CFAP57: variants seen among roughly 807,000 people sequenced by gnomAD.
CFAP57 encodes cilia- and flagella-associated protein 57.
CFAP57 carries 116 observed loss-of-function variants against 146.8 expected under a neutral mutation model. The observed-to-expected ratio is 0.79, with a 90% CI of 0.68 to 0.92. The LOEUF (loss-of-function observed/expected upper bound fraction) is 0.92, where lower values mean the gene tolerates loss of function less well. Among genes scored for constraint, CFAP57 ranks in the 40% least tolerant of loss-of-function variants. The pLI, the probability that CFAP57 is intolerant of heterozygous loss-of-function variation, is 0.00. For synonymous variants in CFAP57, 518 were observed against 552.8 expected (o/e 0.94, Z 0.88); for missense variants, 1,377 against 1,527.2 (o/e 0.90, Z 1.64).
rs549750825 is a variant in CFAP57 at position 43,234,352 on chromosome 1, C to T, written c.3200C>T (p.Pro1067Leu). The T allele has an allele frequency of 1.0e-4, 155 of 1,550,390 alleles. No homozygotes were observed. In the Middle Eastern group the frequency reaches 5.3e-3, roughly 53 times the overall value. Reference protein sequence around the residue: ...LHNCVAYIQEPRLLKEKVRGL... With the variant: ...LHNCVAYIQELRLLKEKVRGL... ...AACTGCGTAGCCTATATTCAGGAAC[C>T]GCGGCTGCTGAAGGAGAAGGTTCGA... Residue 1067 changes from proline (P) to leucine (L), a missense_variant, in exon 20 of 23, where the codon CCG becomes CTG. Transcript: ENST00000372492.
chr1:43,231,820 T>G (rs769685187), intron 18 of CFAP57, among the ~76,000 whole-genome samples: 28 of 151,988 alleles, frequency 1.8e-4, no homozygotes, highest in Non-Finnish European at 3.5e-4. Context: ...TGAGCCAAGA[T>G]AGAGATCGCA....
At chr1:43,214,265 A>T (rs1375095517) in intron 11 of CFAP57, among the ~76,000 whole-genome samples, 1 of 152,044 alleles carries the variant, frequency 6.6e-6, no homozygotes, top group Admixed American at 6.6e-5. Context: ...GGTATTCTGG[A>T]TATTGGTCTT....
At chr1:43,180,798 G>A (rs1486061514) in intron 2 of CFAP57, among the ~76,000 whole-genome samples, 1 of 152,110 alleles carries the variant, frequency 6.6e-6, no homozygotes, top group Non-Finnish European at 1.5e-5. Context: ...TAGAGGAGGA[G>A]TGATGAGCTA....
At chr1:43,174,738 C>T (rs1025975746) in intron 2 of CFAP57, among the ~76,000 whole-genome samples, 5 of 152,202 alleles carry the variant, frequency 3.3e-5, no homozygotes, top group South Asian at 2.1e-4. Flanking sequence ...ATTGCTTGAA[C>T]CCGGGAGGCA....
chr1:43,201,028 A>G lies in CFAP57; in HGVS notation c.1542+1525A>G, dbSNP rs917378886. On this transcript the variant is annotated intron_variant, in intron 9 of 22. Coordinates refer to ENST00000372492, the MANE Select transcript of CFAP57 (RefSeq NM_001378189.1). The surrounding 1 kb of genome is among the most constrained non-coding windows in gnomAD (Gnocchi z 4.4). The stretch of plus-strand genomic sequence containing the variant: ...TTTAGTAGCGGAGGCAGAGAGAAGA[A>G]AGAGATGAAGTTCCATTTTGGCCAT... 6.6e-6 allele frequency among the ~76,000 whole-genome samples: 1 copy of G among 152,220 alleles called. No homozygotes were observed. Among genetic ancestry groups the G allele is most frequent in the Non-Finnish European group, 1.5e-5 (1 of 68,034 alleles).
Position 43,222,896 on chromosome 1 carries a change from C to G in CFAP57, c.2605C>G (p.Arg869Gly), listed in dbSNP as rs558523595. 20 of 1,550,288 alleles carry G rather than the reference C, an allele frequency of 1.3e-5. No individual in the cohort carries two copies. The South Asian group carries it at 2.0e-4, about 16-fold the overall frequency. The stretch of plus-strand genomic sequence containing the variant: ...GAAGCAGATTGAGGAAGATGAAGAC[C>G]GAGAAATCCAAGATATCAAAACCAA... ...TKKQIEEDED[R>G]EIQDIKTKYE... Residue 869 changes from arginine to glycine, a missense_variant, in exon 16 of 23, where the codon CGA (arginine) becomes GGA (glycine). Arg to Gly is a moderately radical substitution (Grantham distance 125, BLOSUM62 -2). Coordinates refer to ENST00000372492, the MANE Select transcript of CFAP57 (RefSeq NM_001378189.1).
chr1:43,252,616 T>C lies in CFAP57; in HGVS notation c.3539-1361T>C, dbSNP rs12409185. Among the ~76,000 whole-genome samples the C allele has an allele frequency of 8.6e-3, 1,302 of 150,670 alleles. 59 individuals are homozygous for C. The highest frequency in any genetic ancestry group is 0.078 in the Admixed American group (1,184 of 15,170). Reference sequence around the variant, plus strand: ...AAAAATAAACCACCAGAAGTGAAAATCAACAACAACAAAAAAATCAAACTA... The same window carrying C: ...AAAAATAAACCACCAGAAGTGAAAACCAACAACAACAAAAAAATCAAACTA... On this transcript the variant is annotated intron_variant, in intron 22 of 22. Coordinates refer to ENST00000372492, the MANE Select transcript of CFAP57 (RefSeq NM_001378189.1).
At chr1:43,178,525 C>T (rs1293482543) in intron 2 of CFAP57, among the ~76,000 whole-genome samples, 1 of 152,176 alleles carries the variant, frequency 6.6e-6, no homozygotes, top group Non-Finnish European at 1.5e-5. Context: ...CCAACCGACA[C>T]ATGAAAAAAT....
At chr1:43,237,404 A>C (rs1645745894) in intron 21 of CFAP57, among the ~76,000 whole-genome samples, 1 of 152,222 alleles carries the variant, frequency 6.6e-6, no homozygotes, top group African/African-American at 2.4e-5. Flanking sequence ...TTGTACAGCA[A>C]GCTCTGTGTC....
At chr1:43,192,927 T>C (rs1643633389) in intron 6 of CFAP57, among the ~76,000 whole-genome samples, 1 of 142,176 alleles carries the variant, frequency 7.0e-6, no homozygotes, top group African/African-American at 2.8e-5. Flanking sequence ...AAACTCCATC[T>C]CAAAAAAAAA....
chr1:43,186,602 C>G, intron 5 of CFAP57, 105 bp from the exon 6 acceptor site: 1 of 1,238,280 alleles, frequency 8.1e-7, no homozygotes, highest in Non-Finnish European at 1.1e-6. Context: ...AAGAGCGAGA[C>G]TCCGTCTCAA....
intron 13 of CFAP57, among the ~76,000 whole-genome samples, chr1:43,220,272 TAAG>T (rs1031814771): frequency 5.9e-5 from 9 of 152,264 alleles, no homozygotes; most frequent in African/African-American, 2.2e-4. Flanking sequence ...AGCAAAAAGA[TAAG>T]AAAATCAAAG....
chr1:43,224,374 G>A (rs1211116896), intron 17 of CFAP57, among the ~76,000 whole-genome samples, 170 bp downstream of exon 17: 4 of 152,180 alleles, frequency 2.6e-5, no homozygotes, highest in Non-Finnish European at 5.9e-5. Flanking sequence ...TGGGCTAATC[G>A]CTGTCAACAC....
At chr1:43,221,015 C>T (rs1230108566) in intron 13 of CFAP57, among the ~76,000 whole-genome samples, 1 of 152,126 alleles carries the variant, frequency 6.6e-6, no homozygotes, top group African/African-American at 2.4e-5. Flanking sequence ...AGAAGCTTAC[C>T]CATGAGCACA....
intron 10 of CFAP57, 36 bp from the exon 11 acceptor site, chr1:43,209,707 G>A (rs746062355): frequency 2.9e-5 from 46 of 1,597,682 alleles, no homozygotes; most frequent in Admixed American, 1.0e-4. Context: ...GCCACAGCTC[G>A]ACCCCTCACA....
At chr1:43,189,900 C>G (rs1050796830) in intron 6 of CFAP57, among the ~76,000 whole-genome samples, 6 of 152,186 alleles carry the variant, frequency 3.9e-5, no homozygotes, top group African/African-American at 1.4e-4. Flanking sequence ...TGAACTCACT[C>G]ATCACCAAGG....
At chr1:43,175,566 A>C (rs1410188389) in intron 2 of CFAP57, among the ~76,000 whole-genome samples, 2 of 151,912 alleles carry the variant, frequency 1.3e-5, no homozygotes, top group Non-Finnish European at 2.9e-5. Context: ...GCTGGAGTGC[A>C]CTGGCACAAT....
chr1:43,215,997 A>G (rs910300797), intron 12 of CFAP57, among the ~76,000 whole-genome samples: 4 of 152,170 alleles, frequency 2.6e-5, no homozygotes, highest in Non-Finnish European at 4.4e-5. Flanking sequence ...CTTCCTGTTG[A>G]TGCAGTAAAC....
At chr1:43,214,804 T>A (rs368292876) in intron 11 of CFAP57, among the ~76,000 whole-genome samples, 1 of 152,234 alleles carries the variant, frequency 6.6e-6, no homozygotes, top group South Asian at 2.1e-4. Flanking sequence ...CTGTTTTTTA[T>A]TTTAGCTGTT....
Sources: gnomAD v4.1 joint callset for allele counts (sites outside exome capture counted in the v4.1 genomes callset) on GRCh38, gnomAD v4.1.1 for gene constraint, Gnocchi (gnomAD v3.1) non-coding constraint, MANE v1.5 for transcripts, NCBI Gene and HGNC (gene_info 2026-07-23, HGNC 2026-07-21) for gene names.